Variants in SLC31A1 observed in about 807,000 individuals in gnomAD.
The protein encoded by SLC31A1 is high affinity copper uptake protein 1.
In SLC31A1, 5 loss-of-function variants were observed where a neutral mutation model predicts 17.2. That is an observed-to-expected ratio of 0.29 (90% CI 0.15 to 0.61). SLC31A1 has a LOEUF of 0.61. SLC31A1 is among the 20% of genes least tolerant of loss of function. The probability of loss-of-function intolerance (pLI) is 0.86; values close to 1 mark genes in which losing one functional copy is unlikely to be tolerated. For synonymous variants in SLC31A1, 76 were observed against 78.8 expected, an observed-to-expected ratio of 0.96 and a Z score of 0.19; for missense variants, 161 against 241.4, an observed-to-expected ratio of 0.67 and a Z score of 2.21.
chr9:113,258,614 G>T lies in SLC31A1; in HGVS notation c.203-80G>T. 1.3e-6 allele frequency: 2 copies of T among 1,483,804 alleles called. No homozygotes were observed. Among genetic ancestry groups the T allele is most frequent in the Admixed American group, 1.7e-5 (1 of 59,250 alleles). The allele number at this position is 1,483,804 out of a possible 1,614,324, so 91.9% of individuals were successfully genotyped here. A position where few individuals can be genotyped will look rare whatever the true frequency, so the allele number is the denominator to read the frequency against. On this transcript the variant is annotated intron_variant, in intron 3 of 4. Coordinates refer to ENST00000374212, the MANE Select transcript of SLC31A1 (RefSeq NM_001859.4). The surrounding 1 kb of genome is among the most constrained non-coding windows in gnomAD (Gnocchi z 4.8). ...GCTGAGAGTAGCATTTTTTCTATGTGTCTTTCTAGCTGGACAGCACATTGG... is the reference window on the plus strand; with the variant it reads ...GCTGAGAGTAGCATTTTTTCTATGTTTCTTTCTAGCTGGACAGCACATTGG...
At chr9:113,257,315 G>T in intron 3 of SLC31A1, 130 bp downstream of exon 3, 1 of 839,872 alleles carries the variant, frequency 1.2e-6, no homozygotes, top group Admixed American at 1.8e-5. Context: ...TAACCATCTT[G>T]GTTCCTATTT....
intron 1 of SLC31A1, among the ~76,000 whole-genome samples, chr9:113,254,661 G>A (rs912225614): frequency 1.3e-5 from 2 of 152,100 alleles, no homozygotes; most frequent in East Asian, 3.9e-4. Context: ...TACTTTGGGA[G>A]GCCGAGTTGG....
At chr9:113,224,181 T>G (rs1408816904) in intron 1 of SLC31A1, among the ~76,000 whole-genome samples, 1 of 152,236 alleles carries the variant, frequency 6.6e-6, no homozygotes, top group Non-Finnish European at 1.5e-5. Context: ...GAATTGAATA[T>G]TTGTGATTGC....
At chr9:113,245,970 C>A (rs1831573390) in intron 1 of SLC31A1, among the ~76,000 whole-genome samples, 1 of 151,784 alleles carries the variant, frequency 6.6e-6, no homozygotes, top group Non-Finnish European at 1.5e-5. Flanking sequence ...ATCAAGGTCT[C>A]CCCTTTGTTT....
intron 1 of SLC31A1, among the ~76,000 whole-genome samples, chr9:113,240,851 A>C (rs1831513403): frequency 1.3e-5 from 2 of 152,134 alleles, no homozygotes; most frequent in South Asian, 4.1e-4. Context: ...GGAGTTTGAG[A>C]CCAGCCTGGC....
intron 1 of SLC31A1, among the ~76,000 whole-genome samples, chr9:113,234,550 C>T (rs936215742): frequency 8.3e-6 from 1 of 120,202 alleles, no homozygotes; most frequent in African/African-American, 3.2e-5. Context: ...ATTCTGTGTA[C>T]TAAGTATCTA....
At chr9:113,238,474 T>G (rs1831487377) in intron 1 of SLC31A1, among the ~76,000 whole-genome samples, 1 of 152,104 alleles carries the variant, frequency 6.6e-6, no homozygotes, top group Admixed American at 6.6e-5. Flanking sequence ...AAAATCTGGA[T>G]TTTAAGGCTG....
intron 1 of SLC31A1, among the ~76,000 whole-genome samples, chr9:113,236,524 C>T (rs537815728): frequency 6.7e-4 from 101 of 151,856 alleles, no homozygotes; most frequent in Non-Finnish European, 1.0e-3. Context: ...CCACCACGCC[C>T]GGCTAATTTT....
chr9:113,257,293 G>A, intron 3 of SLC31A1, 108 bp downstream of exon 3: 1 of 929,046 alleles, frequency 1.1e-6, no homozygotes, highest in Non-Finnish European at 1.8e-6. Context: ...AAGTCAACAT[G>A]GTAATGATGC....
At chr9:113,229,229 T>C (rs965542715) in intron 1 of SLC31A1, among the ~76,000 whole-genome samples, 1 of 152,234 alleles carries the variant, frequency 6.6e-6, no homozygotes, top group Non-Finnish European at 1.5e-5. Flanking sequence ...GAAAAGTATT[T>C]CATTTACTCC....
intron 1 of SLC31A1, among the ~76,000 whole-genome samples, chr9:113,238,235 A>G (rs1831484594): frequency 6.6e-6 from 1 of 152,212 alleles, no homozygotes; most frequent in African/African-American, 2.4e-5. Context: ...AACTGGGGCA[A>G]TGCTACTGGC....
intron 1 of SLC31A1, among the ~76,000 whole-genome samples, chr9:113,228,482 A>G (rs1831366503): frequency 6.6e-6 from 1 of 152,230 alleles, no homozygotes; most frequent in Non-Finnish European, 1.5e-5. Flanking sequence ...TTGACATATC[A>G]AATTTGAGTT....
chr9:113,240,903 A>G (rs532755978), intron 1 of SLC31A1, among the ~76,000 whole-genome samples: 1 of 152,142 alleles, frequency 6.6e-6, no homozygotes, highest in South Asian at 2.1e-4. Flanking sequence ...TACAAAAATT[A>G]GCTGGGTGTG....
intron 1 of SLC31A1, among the ~76,000 whole-genome samples, chr9:113,253,958 C>CTTTTTTTTTTTTTTTT (rs397967653): frequency 9.1e-6 from 1 of 110,418 alleles, no homozygotes; most frequent in Non-Finnish European, 1.8e-5. Context: ...TACCCACAGT[C>CTTTTTTTTTTTTTTTT]TTTTTTTTTT....
At chr9:113,253,956 G>GTTTTT (rs1279375325) in intron 1 of SLC31A1, among the ~76,000 whole-genome samples, 27 of 86,080 alleles carry the variant, frequency 3.1e-4, no homozygotes, top group East Asian at 1.3e-3. Context: ...CCTACCCACA[G>GTTTTT]TCTTTTTTTT....
At chr9:113,231,224 C>T (rs1394483927) in intron 1 of SLC31A1, among the ~76,000 whole-genome samples, 1 of 152,090 alleles carries the variant, frequency 6.6e-6, no homozygotes, top group Non-Finnish European at 1.5e-5. Context: ...TAAATGCGCA[C>T]ACACACCTAT....
At chr9:113,224,737 C>A (rs560854304) in intron 1 of SLC31A1, among the ~76,000 whole-genome samples, 1 of 152,192 alleles carries the variant, frequency 6.6e-6, no homozygotes, top group African/African-American at 2.4e-5. Flanking sequence ...CTTGTGTGCT[C>A]ACTTTTATCT....
intron 1 of SLC31A1, among the ~76,000 whole-genome samples, chr9:113,228,067 C>G (rs1587986696): frequency 6.6e-6 from 1 of 152,110 alleles, no homozygotes; most frequent in South Asian, 2.1e-4. Context: ...ATGAGATTGG[C>G]AGCGTAGGTA....
chr9:113,256,505 C>A, intron 2 of SLC31A1: 1 of 439,268 alleles, frequency 2.3e-6, no homozygotes, highest in South Asian at 3.3e-5. Flanking sequence ...GTGGTCCCTT[C>A]TGAAATCGAC....
Sources: gnomAD v4.1 joint callset for allele counts (sites outside exome capture counted in the v4.1 genomes callset) on GRCh38, gnomAD v4.1.1 for gene constraint, Gnocchi (gnomAD v3.1) non-coding constraint, MANE v1.5 for transcripts, NCBI Gene and HGNC (gene_info 2026-07-23, HGNC 2026-07-21) for gene names.